The following IKZF3 variants were observed in gnomAD, a reference collection of about 807,000 sequenced individuals.
The protein encoded by IKZF3 is zinc finger protein Aiolos.
IKZF3 carries 10 observed loss-of-function variants against 49.0 expected under a neutral mutation model. The observed-to-expected ratio is 0.20, with a 90% CI of 0.13 to 0.35. The LOEUF (loss-of-function observed/expected upper bound fraction) is 0.35. IKZF3 is among the 10% of genes least tolerant of loss of function. The probability of loss-of-function intolerance (pLI) is 1.00; values close to 1 mark genes in which losing one functional copy is unlikely to be tolerated. For synonymous variants in IKZF3, 209 were observed against 228.2 expected, an observed-to-expected ratio of 0.92 and a Z score of 0.76; for missense variants, 498 against 664.8, an observed-to-expected ratio of 0.75 and a Z score of 2.76.
intron 2 of IKZF3, 51 bp from the exon 3 acceptor site, chr17:39,829,539 TATAA>T (rs748964429): frequency 2.4e-6 from 3 of 1,271,276 alleles, no homozygotes; most frequent in Non-Finnish European, 3.4e-6. Context: ...AAAGGATTTT[TATAA>T]ATATATATTA....
intron 3 of IKZF3, among the ~76,000 whole-genome samples, chr17:39,821,475 A>G (rs1598111680): frequency 6.6e-6 from 1 of 152,334 alleles, no homozygotes; most frequent in African/African-American, 2.4e-5. Flanking sequence ...ATCAGTTACT[A>G]AAGGTAAAAG....
intron 3 of IKZF3, among the ~76,000 whole-genome samples, chr17:39,797,253 G>A (rs938995989): frequency 1.3e-5 from 2 of 151,278 alleles, no homozygotes; most frequent in Non-Finnish European, 1.5e-5. Flanking sequence ...TATGGCTTCC[G>A]CCTCCACAAT....
intron 1 of IKZF3, among the ~76,000 whole-genome samples, chr17:39,860,728 A>G (rs2063192866): frequency 6.6e-6 from 1 of 152,186 alleles, no homozygotes; most frequent in South Asian, 2.1e-4. Context: ...AAAATGGGGA[A>G]GGGTGGGAGG....
chr17:39,781,980 C>G (rs146695724), intron 6 of IKZF3, among the ~76,000 whole-genome samples: 2 of 152,118 alleles, frequency 1.3e-5, no homozygotes, highest in African/African-American at 4.8e-5. Context: ...TCCTCTGAAA[C>G]GAATCTAGAG....
At chr17:39,855,442 C>T (rs2063010392) in intron 1 of IKZF3, among the ~76,000 whole-genome samples, 1 of 152,186 alleles carries the variant, frequency 6.6e-6, no homozygotes, top group Admixed American at 6.5e-5. Flanking sequence ...TAGATTGGAT[C>T]TCCCTCCCCA....
intron 1 of IKZF3, among the ~76,000 whole-genome samples, chr17:39,838,904 G>T (rs892145676): frequency 1.3e-5 from 2 of 152,162 alleles, no homozygotes; most frequent in African/African-American, 4.8e-5. Flanking sequence ...CATGATCATA[G>T]CTCACTGTAA....
rs549942583 is a variant in IKZF3 at position 39,838,656 on chromosome 17, A to T, written c.8-6505T>A. Among the ~76,000 whole-genome samples, 3 of 152,202 alleles carry T rather than the reference A, an allele frequency of 2.0e-5. No individual in the cohort carries two copies. In the East Asian group the frequency reaches 5.8e-4, roughly 29 times the overall value. ...ATACAAGTTCTTGTCTGCCAGTTCC[A>T]TTATGTATGCCATCTTGAGGTCAGT... On this transcript the variant is annotated intron_variant, in intron 1 of 7. Transcript: ENST00000346872.
At chr17:39,813,634 T>TAA (rs796937179) in intron 3 of IKZF3, among the ~76,000 whole-genome samples, 1 of 142,468 alleles carries the variant, frequency 7.0e-6, no homozygotes, top group African/African-American at 2.6e-5. Flanking sequence ...ACAGCGTGAT[T>TAA]AAAAAAAAAA....
intron 7 of IKZF3, among the ~76,000 whole-genome samples, chr17:39,770,875 G>A (rs547647662): frequency 1.4e-4 from 21 of 149,854 alleles, no homozygotes; most frequent in South Asian, 4.2e-4. Flanking sequence ...GTACGATCTC[G>A]ACTCACTGCA....
chr17:39,773,419 T>C (rs982703332), intron 7 of IKZF3, among the ~76,000 whole-genome samples: 1 of 152,212 alleles, frequency 6.6e-6, no homozygotes, highest in Admixed American at 6.5e-5. Flanking sequence ...TTTTTTTCTC[T>C]TAGAAACAGG....
chr17:39,772,264 T>C (rs752932228), intron 7 of IKZF3, among the ~76,000 whole-genome samples: 17 of 152,116 alleles, frequency 1.1e-4, no homozygotes, highest in South Asian at 8.3e-4. Context: ...CATTGAAAGG[T>C]TTTTTTGAAG....
chr17:39,784,555 C>T (rs11658993), intron 6 of IKZF3, among the ~76,000 whole-genome samples: 57,366 of 151,930 alleles, frequency 0.38, 11,964 homozygotes, highest in Non-Finnish European at 0.46. Context: ...AGGTGAGCAC[C>T]ACCACACCTA....
chr17:39,791,063 G>A (rs1253130950), intron 5 of IKZF3, among the ~76,000 whole-genome samples: 1 of 152,160 alleles, frequency 6.6e-6, no homozygotes, highest in Non-Finnish European at 1.5e-5. Context: ...TGGAAAGAGT[G>A]TGTGTGTTGG....
At chr17:39,853,238 C>T (rs1338407963) in intron 1 of IKZF3, among the ~76,000 whole-genome samples, 2 of 152,020 alleles carry the variant, frequency 1.3e-5, no homozygotes, top group Non-Finnish European at 2.9e-5. Flanking sequence ...ACTGTATTGC[C>T]AGTATTTTGC....
chr17:39,772,753 T>A (rs984010956), intron 7 of IKZF3, among the ~76,000 whole-genome samples: 2 of 152,226 alleles, frequency 1.3e-5, no homozygotes, highest in African/African-American at 4.8e-5. Flanking sequence ...CAGGGAAGAC[T>A]GTTCTTTTCT....
intron 6 of IKZF3, among the ~76,000 whole-genome samples, chr17:39,779,649 TTTTG>T (rs1275983666): frequency 2.1e-5 from 3 of 145,934 alleles, no homozygotes; most frequent in Admixed American, 6.7e-5. Context: ...ATTCTTTGTT[TTTTG>T]TTTTTTTTTT....
At chr17:39,780,517 C>T (rs1337896881) in intron 6 of IKZF3, among the ~76,000 whole-genome samples, 1 of 151,916 alleles carries the variant, frequency 6.6e-6, no homozygotes, top group Non-Finnish European at 1.5e-5. Context: ...TCTAAAGCCA[C>T]CATGCCTGGC....
intron 5 of IKZF3, 36 bp from the exon 6 acceptor site, chr17:39,788,410 C>T: frequency 8.8e-6 from 12 of 1,360,964 alleles, no homozygotes; most frequent in South Asian, 1.2e-5. Context: ...CAGTGACCCT[C>T]AGGGGTTCCA....
rs2060160818 is a variant in IKZF3 at position 39,760,609 on chromosome 17, C to CCA, written c.*5179_*5180dup. On this transcript the variant is annotated 3_prime_UTR_variant, in exon 8 of 8. Coordinates refer to ENST00000346872, the MANE Select transcript of IKZF3 (RefSeq NM_012481.5). ...AAAGTGCTGGGATTACAGGCGTGAG[C>CCA]CACCGCACCTGACCCTCCTTAAAAC... The CCA allele has an allele frequency of 6.6e-6, 1 of 152,384 alleles. No homozygotes were observed. Among genetic ancestry groups the CCA allele is most frequent in the African/African-American group, 2.4e-5 (1 of 41,450 alleles). The allele number at this position is 152,384 out of a possible 1,614,324, so 9.4% of individuals were successfully genotyped here. A position where few individuals can be genotyped will look rare whatever the true frequency, so the allele number is the denominator to read the frequency against.
Sources: allele counts gnomAD v4.1 joint callset (sites outside exome capture counted in the v4.1 genomes callset), GRCh38; gene constraint gnomAD v4.1.1; transcripts MANE v1.5; gene names NCBI Gene and HGNC (gene_info 2026-07-23, HGNC 2026-07-21).